Variants in CCSER1 observed in about 807,000 individuals in gnomAD.
CCSER1 encodes serine-rich coiled-coil domain-containing protein 1.
CCSER1 carries 41 observed loss-of-function variants against 82.0 expected under a neutral mutation model. The ratio of observed to expected loss-of-function variants is 0.50; its 90% CI spans 0.39 to 0.65. The LOEUF (loss-of-function observed/expected upper bound fraction) is 0.65. CCSER1 is among the 30% of genes least tolerant of loss of function. The pLI, the probability that CCSER1 is intolerant of heterozygous loss-of-function variation, is 0.00. For synonymous variants in CCSER1, 414 were observed against 383.9 expected, an observed-to-expected ratio of 1.08 and a Z score of -0.92; for missense variants, 1,119 against 1,064.2, an observed-to-expected ratio of 1.05 and a Z score of -0.72.
intron 8 of CCSER1, among the ~76,000 whole-genome samples, chr4:90,868,614 TC>T (rs1766045961): frequency 1.3e-5 from 2 of 152,100 alleles, no homozygotes; most frequent in African/African-American, 4.8e-5. Flanking sequence ...GATAGACACT[TC>T]AGTTGCTTCC....
intron 10 of CCSER1, among the ~76,000 whole-genome samples, chr4:91,481,603 C>T (rs1757920070): frequency 6.6e-6 from 1 of 152,120 alleles, no homozygotes; most frequent in Non-Finnish European, 1.5e-5. Flanking sequence ...GGATTGCAAG[C>T]TATTCCACAA....
chr4:91,375,802 A>G (rs1274932133), intron 10 of CCSER1, among the ~76,000 whole-genome samples: 2 of 152,132 alleles, frequency 1.3e-5, no homozygotes, highest in Non-Finnish European at 2.9e-5. Flanking sequence ...TACTGGTACA[A>G]AACCAAAGGG....
chr4:90,458,040 C>G (rs1762412025), intron 4 of CCSER1, among the ~76,000 whole-genome samples: 1 of 152,174 alleles, frequency 6.6e-6, no homozygotes, highest in South Asian at 2.1e-4. Context: ...GGCTTTGTCA[C>G]AACTGTGCTC....
At chr4:90,846,689 T>C (rs531481551) in intron 8 of CCSER1, among the ~76,000 whole-genome samples, 2 of 152,086 alleles carry the variant, frequency 1.3e-5, no homozygotes, top group African/African-American at 4.8e-5. Flanking sequence ...TAACTGTATT[T>C]TTGTACCCAT....
chr4:91,439,526 C>T (rs994260869), intron 10 of CCSER1, among the ~76,000 whole-genome samples: 10 of 152,098 alleles, frequency 6.6e-5, no homozygotes, highest in Non-Finnish European at 1.5e-4. Context: ...ACTGCAAAAT[C>T]ACGCCAAATT....
chr4:90,636,680 C>A (rs1381710977), intron 6 of CCSER1, among the ~76,000 whole-genome samples: 1 of 151,946 alleles, frequency 6.6e-6, no homozygotes, highest in African/African-American at 2.4e-5. Context: ...AAAATATAAA[C>A]CTCAGTTTAC....
intron 10 of CCSER1, among the ~76,000 whole-genome samples, chr4:91,525,058 G>A (rs1287827461): frequency 6.6e-6 from 1 of 152,074 alleles, no homozygotes; most frequent in African/African-American, 2.4e-5. Flanking sequence ...TTTAAAAATG[G>A]TCTGTGCTAG....
intron 5 of CCSER1, among the ~76,000 whole-genome samples, chr4:90,478,929 C>T (rs965144337): frequency 6.6e-6 from 1 of 151,680 alleles, no homozygotes; most frequent in African/African-American, 2.4e-5. Flanking sequence ...TTAGTATAGA[C>T]GAGGTTTCAC....
At chr4:90,385,016 G>A (rs1749793964) in intron 3 of CCSER1, among the ~76,000 whole-genome samples, 1 of 152,152 alleles carries the variant, frequency 6.6e-6, no homozygotes, top group African/African-American at 2.4e-5. Flanking sequence ...TACTTCACAA[G>A]ATAGTGGCCT....
rs2110372184 is a variant in CCSER1, at chr4:91,604,777, A to G, written c.*5720A>G. On this transcript the variant is annotated 3_prime_UTR_variant, in exon 11 of 11. Coordinates refer to ENST00000509176, the MANE Select transcript of CCSER1 (RefSeq NM_001145065.2). ...AGAATTTGCTTAATTATTCAGAAGG[A>G]ATTGAAGTGAAATGAGGAATACAAA... 1 of 152,138 alleles carries G rather than the reference A, an allele frequency of 6.6e-6. No individual in the cohort carries two copies. Among genetic ancestry groups the G allele is most frequent in the East Asian group, 1.9e-4 (1 of 5,180 alleles). The allele number at this position is 152,138 out of a possible 1,614,324, so 9.4% of individuals were successfully genotyped here. A position where few individuals can be genotyped will look rare whatever the true frequency, so the allele number is the denominator to read the frequency against.
chr4:91,540,275 G>A (rs758825276), intron 10 of CCSER1, among the ~76,000 whole-genome samples: 37 of 152,120 alleles, frequency 2.4e-4, no homozygotes, highest in Non-Finnish European at 4.1e-4. Flanking sequence ...TTCGCACTTG[G>A]TCTTGTATAT....
intron 6 of CCSER1, among the ~76,000 whole-genome samples, chr4:90,650,701 T>C (rs770174070): frequency 4.6e-5 from 7 of 152,200 alleles, no homozygotes; most frequent in Non-Finnish European, 1.0e-4. Flanking sequence ...TTTTACACCA[T>C]CATTTTACTG....
At chr4:90,927,622 C>T (rs1481379001) in intron 9 of CCSER1, among the ~76,000 whole-genome samples, 4 of 151,850 alleles carry the variant, frequency 2.6e-5, no homozygotes, top group Non-Finnish European at 5.9e-5. Flanking sequence ...TTTATAAATA[C>T]AGTTTTCTAC....
intron 10 of CCSER1, among the ~76,000 whole-genome samples, chr4:91,389,452 A>G (rs912481286): frequency 2.6e-5 from 4 of 151,970 alleles, no homozygotes; most frequent in African/African-American, 9.7e-5. Flanking sequence ...TCATTTGCCA[A>G]TATCAATCAT....
chr4:90,752,766 T>C (rs1247200443), intron 7 of CCSER1, among the ~76,000 whole-genome samples: 3 of 152,110 alleles, frequency 2.0e-5, no homozygotes, highest in Non-Finnish European at 4.4e-5. Context: ...CTCAGGTTTC[T>C]CTAAGTTTCA....
chr4:90,168,946 C>T lies in CCSER1; in HGVS notation c.-42+41115C>T, dbSNP rs1258183071. Among the ~76,000 whole-genome samples the T allele has an allele frequency of 7.3e-5, 11 of 151,580 alleles. No homozygotes were observed. The South Asian group carries it at 2.3e-3, about 32-fold the overall frequency. On this transcript the variant is annotated intron_variant, in intron 1 of 10. Coordinates refer to ENST00000509176, the MANE Select transcript of CCSER1 (RefSeq NM_001145065.2). ...CTTTATTCTTTTGGCTTAGGATTGA[C>T]GTGGTGATGCGGGCTCTTTTTTGGT...
intron 10 of CCSER1, among the ~76,000 whole-genome samples, chr4:91,237,324 CTTAT>C (rs1404248168): frequency 2.0e-5 from 3 of 151,222 alleles, no homozygotes; most frequent in East Asian, 1.9e-4. Flanking sequence ...TGATTTATTA[CTTAT>C]TTATCTCAAA....
At chr4:91,502,558 C>T (rs984666037) in intron 10 of CCSER1, among the ~76,000 whole-genome samples, 2 of 152,104 alleles carry the variant, frequency 1.3e-5, no homozygotes, top group Admixed American at 6.6e-5. Context: ...ATTACCACCC[C>T]CTGGTGGAGT....
At chr4:91,343,052 C>T (rs897263747) in intron 10 of CCSER1, among the ~76,000 whole-genome samples, 5 of 152,100 alleles carry the variant, frequency 3.3e-5, no homozygotes, top group African/African-American at 1.2e-4. Context: ...TGGTTGAAAT[C>T]TGTGTTATAT....
Sources: gnomAD v4.1 joint callset for allele counts (sites outside exome capture counted in the v4.1 genomes callset) on GRCh38, gnomAD v4.1.1 for gene constraint, MANE v1.5 for transcripts, NCBI Gene and HGNC (gene_info 2026-07-23, HGNC 2026-07-21) for gene names.